Variants in ATP6V1A observed in about 807,000 individuals in gnomAD.
ATP6V1A encodes the protein V-type proton ATPase catalytic subunit A.
A neutral mutation model predicts 70.1 loss-of-function variants in ATP6V1A; 18 were observed. The ratio of observed to expected loss-of-function variants is 0.26; its 90% CI spans 0.18 to 0.38. The LOEUF (loss-of-function observed/expected upper bound fraction) is 0.38. Ranked by LOEUF, ATP6V1A falls within the 10% of genes least tolerant of loss-of-function variation. The probability of loss-of-function intolerance (pLI) is 1.00; values close to 1 mark genes in which losing one functional copy is unlikely to be tolerated. For synonymous variants in ATP6V1A, 232 were observed against 253.8 expected (o/e 0.91, Z 0.82); for missense variants, 424 against 772.4 (o/e 0.55, Z 5.35).
At chr3:113,800,341 A>G (rs1709197758) in intron 12 of ATP6V1A, among the ~76,000 whole-genome samples, 2 of 152,206 alleles carry the variant, frequency 1.3e-5, no homozygotes, top group Middle Eastern at 3.2e-3. Context: ...TAAGAATAGT[A>G]AAGTGTGAGC....
Position 113,759,133 on chromosome 3 carries a change from G to GA in ATP6V1A, c.-14+12021dup, listed in dbSNP as rs1708674190. Among the ~76,000 whole-genome samples the GA allele has an allele frequency of 5.3e-5, 8 of 152,220 alleles. No homozygotes were observed. In the South Asian group the frequency reaches 1.5e-3, roughly 28 times the overall value. On this transcript the variant is annotated intron_variant, in intron 1 of 14. Transcript: ENST00000273398. ...TTTTGTTCTAACAATGTTTTTTGAT[G>GA]AGCAGAGATTTGAAGTCCAGTTTAC...
intron 8 of ATP6V1A, among the ~76,000 whole-genome samples, chr3:113,794,124 G>C (rs959230637): frequency 1.3e-5 from 2 of 152,146 alleles, no homozygotes; most frequent in Non-Finnish European, 2.9e-5. Flanking sequence ...CTTATAAGTG[G>C]TTTACTGTCT....
At chr3:113,759,620 ATATT>A (rs1261063627) in intron 1 of ATP6V1A, among the ~76,000 whole-genome samples, 8 of 152,052 alleles carry the variant, frequency 5.3e-5, no homozygotes, top group African/African-American at 1.9e-4. Flanking sequence ...ATATTTAAGA[ATATT>A]TAATCATAAT....
At chr3:113,766,532 C>A (rs1333498742) in intron 1 of ATP6V1A, among the ~76,000 whole-genome samples, 1 of 152,172 alleles carries the variant, frequency 6.6e-6, no homozygotes, top group Non-Finnish European at 1.5e-5. Flanking sequence ...TGGACTCATG[C>A]AATCCTTCTG....
chr3:113,781,561 C>G (rs942145735), intron 3 of ATP6V1A, among the ~76,000 whole-genome samples: 1 of 152,052 alleles, frequency 6.6e-6, no homozygotes, highest in East Asian at 1.9e-4. Context: ...AAGGTGGAAG[C>G]AGCAAAGCAG....
intron 14 of ATP6V1A, among the ~76,000 whole-genome samples, chr3:113,808,803 G>A (rs749399982): frequency 2.0e-4 from 30 of 152,152 alleles, no homozygotes; most frequent in Non-Finnish European, 3.5e-4. Context: ...ACTGAATGTG[G>A]TTATCAGGCA....
chr3:113,753,832 GC>G (rs1248714276), intron 1 of ATP6V1A, among the ~76,000 whole-genome samples: 1 of 151,764 alleles, frequency 6.6e-6, no homozygotes, highest in Admixed American at 6.6e-5. Flanking sequence ...AGTAGCTGGG[GC>G]TACAGGTGTG....
chr3:113,764,342 A>G (rs567500194), intron 1 of ATP6V1A, among the ~76,000 whole-genome samples: 1 of 152,358 alleles, frequency 6.6e-6, no homozygotes, highest in East Asian at 1.9e-4. Context: ...AAAGTATGGT[A>G]TCTATTTAAT....
At position 113,809,476 on chromosome 3, in the gene ATP6V1A, A is replaced by T. The variant is rs183834978; in HGVS notation, c.*49A>T. On this transcript the variant is annotated 3_prime_UTR_variant, in exon 15 of 15. Coordinates refer to ENST00000273398, the MANE Select transcript of ATP6V1A (RefSeq NM_001690.4). ...ATTTCCTTTTCCTCAGCAAGCTCCT[A>T]TGTGTATATTTTCCTGAATTTCTCA... The T allele has an allele frequency of 1.1e-4, 167 of 1,528,042 alleles. 2 individuals carry two copies. In the Admixed American group the frequency reaches 2.9e-3, roughly 27 times the overall value. 94.7% of individuals were successfully genotyped at this position (1,528,042 alleles called of 1,614,324 possible). A position where few individuals can be genotyped will look rare whatever the true frequency, so the allele number is the denominator to read the frequency against.
intron 1 of ATP6V1A, among the ~76,000 whole-genome samples, chr3:113,770,144 G>A (rs1371441668): frequency 6.6e-6 from 1 of 151,926 alleles, no homozygotes; most frequent in Non-Finnish European, 1.5e-5. Flanking sequence ...CACCTCCCGG[G>A]TTCAAGCATT....
chr3:113,758,757 C>G (rs1005718672), intron 1 of ATP6V1A, among the ~76,000 whole-genome samples: 6 of 152,186 alleles, frequency 3.9e-5, no homozygotes, highest in Non-Finnish European at 7.3e-5. Flanking sequence ...AAACTGTTTT[C>G]CAAAGTGGTT....
Position 113,784,415 on chromosome 3 carries a change from T to C in ATP6V1A, c.403T>C (p.Phe135Leu), listed in dbSNP as rs1709015408. The C allele has an allele frequency of 6.2e-7, 1 of 1,613,646 alleles. No homozygotes were observed. The highest frequency in any genetic ancestry group is 8.5e-7 in the Non-Finnish European group (1 of 1,179,608). ...TCTTAGCAGAGATATCAAATGGGAC[T>C]TTACACCTTGCAAAAACCTACGGGT... ...SALSRDIKWD[F>L]TPCKNLRVGS... Residue 135 changes from phenylalanine (F) to leucine (L), a missense_variant, in exon 4 of 15, where the codon TTT (phenylalanine) becomes CTT (leucine). Physicochemically the swap from Phe to Leu is conservative, Grantham distance 22. Transcript: ENST00000273398.
At position 113,786,279 on chromosome 3, in the gene ATP6V1A, C is replaced by G; in HGVS notation, c.612C>G (p.Thr204=). 6.2e-7 allele frequency: 1 copy of G among 1,611,148 alleles called. No homozygotes were observed. Among genetic ancestry groups the G allele is most frequent in the Admixed American group, 1.7e-5 (1 of 59,812 alleles). ...LEFEGVKEKF[T]MVQVWPVRQV... is the part of the protein sequence containing the mutation. ...TTGAAGGTGTAAAGGAGAAGTTCAC[C>G]ATGGTGCAAGTATGGCCTGTACGTC... Residue 204 remains threonine (T), a synonymous_variant, in exon 6 of 15, where the codon ACC becomes ACG. Transcript: ENST00000273398.
chr3:113,783,810 A>G (rs866388509), intron 3 of ATP6V1A, among the ~76,000 whole-genome samples: 13 of 152,240 alleles, frequency 8.5e-5, no homozygotes, highest in African/African-American at 3.1e-4. Context: ...AGCAGGTATC[A>G]TGTGACAATC....
At chr3:113,804,732 G>A (rs1487831142) in intron 13 of ATP6V1A, among the ~76,000 whole-genome samples, 1 of 152,224 alleles carries the variant, frequency 6.6e-6, no homozygotes, top group Non-Finnish European at 1.5e-5. Flanking sequence ...TGGAAAAGGT[G>A]TAATAGGAGT....
chr3:113,780,976 T>C lies in ATP6V1A; in HGVS notation c.83-74T>C, dbSNP rs16861331. 3.2e-3 allele frequency: 4,809 copies of C among 1,509,576 alleles called. 109 individuals carry two copies. In the Admixed American group the frequency reaches 0.049, roughly 15 times the overall value. The allele number at this position is 1,509,576 out of a possible 1,614,324, so 93.5% of individuals were successfully genotyped here. A position where few individuals can be genotyped will look rare whatever the true frequency, so the allele number is the denominator to read the frequency against. On this transcript the variant is annotated intron_variant, in intron 2 of 14. Transcript: ENST00000273398. Reference sequence around the variant, plus strand: ...GAGGCACAATACTGGGTTTATTGGGTGTTTTAATTATTTGTGACTATTCAC... The same window carrying C: ...GAGGCACAATACTGGGTTTATTGGGCGTTTTAATTATTTGTGACTATTCAC...
At chr3:113,763,655 C>A (rs994553800) in intron 1 of ATP6V1A, among the ~76,000 whole-genome samples, 1 of 152,104 alleles carries the variant, frequency 6.6e-6, no homozygotes, top group African/African-American at 2.4e-5. Context: ...GTATTTAGTT[C>A]TAATACCATA....
rs987345520 is a variant in ATP6V1A, at chr3:113,810,713, G to C, written c.*1286G>C. Reference sequence around the variant, plus strand: ...AGGCTGTTTGCACCTTTAAGGACCAGCTGGGCTGTAGTGATTCCTGGGGCC... The same window carrying C: ...AGGCTGTTTGCACCTTTAAGGACCACCTGGGCTGTAGTGATTCCTGGGGCC... On this transcript the variant is annotated 3_prime_UTR_variant, in exon 15 of 15. Transcript: ENST00000273398. The C allele has an allele frequency of 1.3e-5, 2 of 152,210 alleles. No homozygotes were observed. Among genetic ancestry groups the C allele is most frequent in the Non-Finnish European group, 2.9e-5 (2 of 68,038 alleles). The allele number at this position is 152,210 out of a possible 1,614,324, so 9.4% of individuals were successfully genotyped here.
intron 1 of ATP6V1A, among the ~76,000 whole-genome samples, chr3:113,768,239 C>T (rs1708795631): frequency 1.3e-5 from 2 of 152,166 alleles, no homozygotes. Flanking sequence ...TTGATTCCTG[C>T]TTTTGTCTAC....
Sources: allele counts gnomAD v4.1 joint callset (sites outside exome capture counted in the v4.1 genomes callset), GRCh38; gene constraint gnomAD v4.1.1; transcripts MANE v1.5; gene names NCBI Gene and HGNC (gene_info 2026-07-23, HGNC 2026-07-21).